TAFA1: variants seen among roughly 807,000 people sequenced by gnomAD.
The protein encoded by TAFA1 is TAFA chemokine like family member 1, also known as chemokine-like protein TAFA-1.
Under a neutral mutation model 18.5 loss-of-function variants are expected in TAFA1, and 4 were observed. That is an observed-to-expected ratio of 0.22 (90% CI 0.11 to 0.49). TAFA1 has a LOEUF of 0.49. TAFA1 is among the 20% of genes least tolerant of loss of function. The probability of loss-of-function intolerance (pLI) is 0.98; values close to 1 mark genes in which losing one functional copy is unlikely to be tolerated. For synonymous variants in TAFA1, 56 were observed against 55.2 expected, an observed-to-expected ratio of 1.01 and a Z score of -0.06; for missense variants, 147 against 169.0, an observed-to-expected ratio of 0.87 and a Z score of 0.72.
At chr3:68,412,687 C>G (rs1254259027) in intron 2 of TAFA1, among the ~76,000 whole-genome samples, 5 of 152,074 alleles carry the variant, frequency 3.3e-5, no homozygotes, top group Non-Finnish European at 7.4e-5. Context: ...TCATCCATGT[C>G]CCTACAAAGG....
intron 2 of TAFA1, among the ~76,000 whole-genome samples, chr3:68,338,977 A>T (rs932471357): frequency 6.6e-6 from 1 of 152,220 alleles, no homozygotes; most frequent in Non-Finnish European, 1.5e-5. Context: ...TAGTCGTCTC[A>T]TGGTCAATAA....
At chr3:68,176,404 C>T (rs1268599451) in intron 2 of TAFA1, among the ~76,000 whole-genome samples, 1 of 152,120 alleles carries the variant, frequency 6.6e-6, no homozygotes, top group Non-Finnish European at 1.5e-5. Context: ...ATTGCTTGAG[C>T]CCAGGAGTTC....
the TAFA1 span, among the ~76,000 whole-genome samples, chr3:67,999,118 T>C: frequency 6.6e-6 from 1 of 152,200 alleles, no homozygotes; most frequent in African/African-American, 2.4e-5. Flanking sequence ...AAATTTAAAA[T>C]AGTTTCTTGG....
At chr3:68,095,703 T>C (rs1222327236) in intron 2 of TAFA1, among the ~76,000 whole-genome samples, 1 of 152,218 alleles carries the variant, frequency 6.6e-6, no homozygotes, top group Non-Finnish European at 1.5e-5. Context: ...ACAACACTAC[T>C]AATTCGTAAC....
At chr3:68,172,834 T>G (rs769646041) in intron 2 of TAFA1, among the ~76,000 whole-genome samples, 4 of 152,088 alleles carry the variant, frequency 2.6e-5, no homozygotes, top group Non-Finnish European at 5.9e-5. Context: ...TGTAGAGACA[T>G]AAATGGATTA....
At chr3:68,453,191 GAGGTAGTGC>G (rs1032752253) in intron 3 of TAFA1, among the ~76,000 whole-genome samples, 3 of 152,206 alleles carry the variant, frequency 2.0e-5, no homozygotes, top group African/African-American at 7.2e-5. Flanking sequence ...GAGTAGGTCA[GAGGTAGTGC>G]CCCAAACCCT....
chr3:68,327,463 G>A (rs9880049), intron 2 of TAFA1, among the ~76,000 whole-genome samples: 7,656 of 152,076 alleles, frequency 0.05, 235 homozygotes, highest in African/African-American at 0.086. Flanking sequence ...GTGAAGTATG[G>A]GCTTTGATGT....
At chr3:68,480,317 C>T (rs186772393) in intron 3 of TAFA1, among the ~76,000 whole-genome samples, 25 of 151,820 alleles carry the variant, frequency 1.6e-4, no homozygotes, top group Admixed American at 1.1e-3. Flanking sequence ...GCAGGAGAAT[C>T]GCTTGAACCT....
In TAFA1 at chr3:68,504,964, G is replaced by T. The variant is rs144953850; in HGVS notation, c.260-33792G>T. Among the ~76,000 whole-genome samples the T allele has an allele frequency of 2.0e-4, 31 of 152,222 alleles. No individual in the cohort carries two copies. In the South Asian group the frequency reaches 2.9e-3, roughly 14 times the overall value. On this transcript the variant is annotated intron_variant, in intron 3 of 4. Transcript: ENST00000478136. The stretch of plus-strand genomic sequence containing the variant: ...GGTTGTCAGATTGTAACATTTGTGG[G>T]CATGCAGAATGGTAAGAACAGAGTG...
intron 3 of TAFA1, among the ~76,000 whole-genome samples, chr3:68,498,712 C>T (rs921013145): frequency 1.3e-4 from 16 of 125,044 alleles, no homozygotes; most frequent in African/African-American, 1.6e-4. Flanking sequence ...CTCCCAAAGC[C>T]GTTTGGTGGC....
At chr3:68,189,203 A>T (rs2066308457) in intron 2 of TAFA1, among the ~76,000 whole-genome samples, 1 of 151,866 alleles carries the variant, frequency 6.6e-6, no homozygotes, top group Admixed American at 6.6e-5. Flanking sequence ...ATTGAAAGAG[A>T]GGAAGACTGA....
chr3:68,305,349 TATATA>T (rs1230796400), intron 2 of TAFA1, among the ~76,000 whole-genome samples: 336 of 144,000 alleles, frequency 2.3e-3, no homozygotes, highest in African/African-American at 8.2e-3. Context: ...AGTAAAGTAA[TATATA>T]ATATATGACT....
intron 2 of TAFA1, among the ~76,000 whole-genome samples, chr3:68,322,450 G>A (rs1476914154): frequency 3.3e-5 from 5 of 152,276 alleles, no homozygotes; most frequent in African/African-American, 4.8e-5. Flanking sequence ...ATCCTAAGAC[G>A]TCATTGCAGT....
At chr3:68,260,553 T>C (rs2067395903) in intron 2 of TAFA1, among the ~76,000 whole-genome samples, 1 of 152,236 alleles carries the variant, frequency 6.6e-6, no homozygotes, top group South Asian at 2.1e-4. Context: ...AACAGCATGG[T>C]ACTGGTACCA....
At chr3:68,457,906 T>G (rs551652530) in intron 3 of TAFA1, among the ~76,000 whole-genome samples, 6 of 152,172 alleles carry the variant, frequency 3.9e-5, no homozygotes, top group Non-Finnish European at 5.9e-5. Context: ...CTTGTGATTC[T>G]GATGACATTG....
At chr3:68,085,013 T>C (rs2064953985) in intron 2 of TAFA1, among the ~76,000 whole-genome samples, 1 of 152,152 alleles carries the variant, frequency 6.6e-6, no homozygotes, top group Non-Finnish European at 1.5e-5. Flanking sequence ...TTTATCTCGT[T>C]ATCCATGCAT....
rs1307333988 is a variant in TAFA1, at chr3:68,288,708, C to T, written c.119-128572C>T. The stretch of plus-strand genomic sequence containing the variant: ...CTTTGTTTATTCGTCTTATGCAAAA[C>T]ATAACAGTGAGAACTCCATCTGTAT... On this transcript the variant is annotated intron_variant, in intron 2 of 4. Coordinates refer to ENST00000478136, the MANE Select transcript of TAFA1 (RefSeq NM_213609.4). Among the ~76,000 whole-genome samples, 5 of 152,298 alleles carry T rather than the reference C, an allele frequency of 3.3e-5. No individual in the cohort carries two copies. In the East Asian group the frequency reaches 7.7e-4, roughly 24 times the overall value.
At chr3:68,142,553 G>A (rs1187505690) in intron 2 of TAFA1, among the ~76,000 whole-genome samples, 1 of 152,202 alleles carries the variant, frequency 6.6e-6, no homozygotes, top group East Asian at 1.9e-4. Context: ...AGCTTCAGAT[G>A]CTGCCCACCC....
chr3:67,991,852 A>C, the TAFA1 span, among the ~76,000 whole-genome samples: 2 of 152,198 alleles, frequency 1.3e-5, no homozygotes, highest in African/African-American at 2.4e-5. Flanking sequence ...ATCTATGTCT[A>C]TATCTATACC....
Sources: gnomAD v4.1 joint callset for allele counts (sites outside exome capture counted in the v4.1 genomes callset) on GRCh38, gnomAD v4.1.1 for gene constraint, MANE v1.5 for transcripts, NCBI Gene and HGNC (gene_info 2026-07-23, HGNC 2026-07-21) for gene names.